LRRC7: variants seen among roughly 807,000 people sequenced by gnomAD.
LRRC7 encodes leucine rich repeat containing 7.
LRRC7 carries 23 observed loss-of-function variants against 175.7 expected under a neutral mutation model. The ratio of observed to expected loss-of-function variants is 0.13; its 90% CI spans 0.09 to 0.19. The LOEUF (loss-of-function observed/expected upper bound fraction) is 0.19. Ranked by LOEUF, LRRC7 falls within the 10% of genes least tolerant of loss-of-function variation. LRRC7 has a pLI of 1.00. For synonymous variants in LRRC7, 685 were observed against 680.9 expected (o/e 1.01, Z -0.09); for missense variants, 1,354 against 1,904.7 (o/e 0.71, Z 5.38).
intron 4 of LRRC7, among the ~76,000 whole-genome samples, chr1:69,805,994 A>G (rs911319343): frequency 8.6e-5 from 13 of 151,912 alleles, no homozygotes; most frequent in African/African-American, 3.1e-4. Context: ...CCTGTCTTCC[A>G]TGTCTCAGTA....
chr1:69,687,520 C>CAAAAAAAAAAAAAAAAAAAAAAAA (rs551726376), intron 2 of LRRC7, among the ~76,000 whole-genome samples: 2 of 96,874 alleles, frequency 2.1e-5, no homozygotes, highest in Admixed American at 1.3e-4. Context: ...AAGAAAAAAC[C>CAAAAAAAAAAAAAAAAAAAAAAAA]AAAAAAAAAA....
chr1:69,906,336 T>C (rs1192974407), intron 7 of LRRC7, among the ~76,000 whole-genome samples: 3 of 152,220 alleles, frequency 2.0e-5, no homozygotes, highest in Admixed American at 2.0e-4. Flanking sequence ...TCCTTGCCCT[T>C]GCCTATGTCC....
chr1:69,826,160 G>A (rs938448659), intron 5 of LRRC7, among the ~76,000 whole-genome samples: 3 of 152,064 alleles, frequency 2.0e-5, no homozygotes, highest in Admixed American at 6.6e-5. Context: ...TAGCATCAAG[G>A]ACTGCCAGAA....
chr1:69,687,377 G>A (rs1661281655), intron 2 of LRRC7, among the ~76,000 whole-genome samples: 3 of 151,754 alleles, frequency 2.0e-5, no homozygotes, highest in South Asian at 4.2e-4. Context: ...GGGTGTGGTG[G>A]CACACGCCTG....
chr1:69,882,107 G>A (rs1386881600), intron 7 of LRRC7, among the ~76,000 whole-genome samples: 1 of 150,614 alleles, frequency 6.6e-6, no homozygotes, highest in African/African-American at 2.4e-5. Context: ...ACTTATGAAT[G>A]ACAACAAGTA....
chr1:69,957,753 T>C (rs1650647902), intron 8 of LRRC7, among the ~76,000 whole-genome samples: 1 of 152,064 alleles, frequency 6.6e-6, no homozygotes, highest in East Asian at 1.9e-4. Flanking sequence ...GATTCAGAGA[T>C]GCAAGTTCTA....
intron 2 of LRRC7, among the ~76,000 whole-genome samples, chr1:69,695,772 T>G (rs1485711060): frequency 6.6e-6 from 1 of 152,224 alleles, no homozygotes; most frequent in East Asian, 1.9e-4. Context: ...AAGTACAGCT[T>G]GGACTGTCAC....
At chr1:69,746,197 C>T (rs1004941452) in intron 2 of LRRC7, among the ~76,000 whole-genome samples, 1 of 151,960 alleles carries the variant, frequency 6.6e-6, no homozygotes, top group African/African-American at 2.4e-5. Context: ...CTCTTTTCCA[C>T]TATATCTCAT....
At chr1:70,003,896 A>C (rs1655760130) in intron 11 of LRRC7, among the ~76,000 whole-genome samples, 2 of 152,184 alleles carry the variant, frequency 1.3e-5, no homozygotes, top group African/African-American at 4.8e-5. Flanking sequence ...TCTACTCATC[A>C]GTTGCAGATA....
At position 70,142,813 on chromosome 1, in the gene LRRC7, TA is replaced by T. The variant is rs1176933091; in HGVS notation, c.*20928del. ...TCAAAAAAGAAATATTAAACTAACA[TA>T]AGCAATTCTGAAGGAAGACAGTGGT... On this transcript the variant is annotated 3_prime_UTR_variant, in exon 27 of 27. Coordinates refer to ENST00000651989, the MANE Select transcript of LRRC7 (RefSeq NM_001370785.2). The T allele has an allele frequency of 1.3e-5, 2 of 152,070 alleles. No homozygotes were observed. Among genetic ancestry groups the T allele is most frequent in the Non-Finnish European group, 2.9e-5 (2 of 67,956 alleles). The allele number at this position is 152,070 out of a possible 1,614,324, so 9.4% of individuals were successfully genotyped here.
intron 4 of LRRC7, among the ~76,000 whole-genome samples, chr1:69,815,169 C>T (rs1430103914): frequency 1.3e-5 from 2 of 152,074 alleles, no homozygotes; most frequent in Non-Finnish European, 2.9e-5. Flanking sequence ...CTGGGGATTC[C>T]CTTTGCCTCT....
At chr1:69,753,257 A>G (rs534855876) in intron 2 of LRRC7, among the ~76,000 whole-genome samples, 13 of 151,346 alleles carry the variant, frequency 8.6e-5, no homozygotes, top group Non-Finnish European at 1.5e-4. Flanking sequence ...TTGTACCTAT[A>G]AAGTATCCTT....
chr1:70,104,597 C>T (rs545797579), intron 25 of LRRC7, among the ~76,000 whole-genome samples: 74 of 152,158 alleles, frequency 4.9e-4, no homozygotes, highest in Middle Eastern at 6.8e-3. Context: ...GTTAATGAAG[C>T]TTATTGATTG....
At chr1:69,869,033 A>G (rs1685241099) in intron 7 of LRRC7, among the ~76,000 whole-genome samples, 1 of 151,914 alleles carries the variant, frequency 6.6e-6, no homozygotes, top group East Asian at 1.9e-4. Context: ...TAAATACCTT[A>G]TCTTCAATAT....
intron 1 of LRRC7, among the ~76,000 whole-genome samples, chr1:69,656,216 C>T (rs904759515): frequency 6.6e-6 from 1 of 151,838 alleles, no homozygotes; most frequent in Non-Finnish European, 1.5e-5. Context: ...TGGAAACATG[C>T]TTACTTTTTT....
intron 1 of LRRC7, among the ~76,000 whole-genome samples, chr1:69,633,369 T>G (rs1652811693): frequency 6.6e-6 from 1 of 152,134 alleles, no homozygotes; most frequent in Non-Finnish European, 1.5e-5. Context: ...TTACTGTATC[T>G]GTCCAATTTA....
At chr1:69,845,847 G>A (rs1175769486) in intron 7 of LRRC7, among the ~76,000 whole-genome samples, 2 of 152,044 alleles carry the variant, frequency 1.3e-5, no homozygotes, top group East Asian at 3.9e-4. Flanking sequence ...ATACATAATT[G>A]GATACTGTGT....
At chr1:69,893,289 G>A (rs1328729501) in intron 7 of LRRC7, among the ~76,000 whole-genome samples, 1 of 152,068 alleles carries the variant, frequency 6.6e-6, no homozygotes, top group Non-Finnish European at 1.5e-5. Context: ...CATTTCCTAA[G>A]ATTCAAGATT....
chr1:69,841,288 A>T (rs978665870), intron 7 of LRRC7, among the ~76,000 whole-genome samples: 3 of 152,192 alleles, frequency 2.0e-5, no homozygotes, highest in East Asian at 1.9e-4. Flanking sequence ...TGAGAGAGAG[A>T]GTGTGCATCT....
Sources: gnomAD v4.1 joint callset for allele counts (sites outside exome capture counted in the v4.1 genomes callset) on GRCh38, gnomAD v4.1.1 for gene constraint, MANE v1.5 for transcripts, NCBI Gene and HGNC (gene_info 2026-07-23, HGNC 2026-07-21) for gene names.